The following ANO2 variants were observed in gnomAD, a reference collection of about 807,000 sequenced individuals.
The protein encoded by ANO2 is anoctamin 2.
ANO2 carries 101 observed loss-of-function variants against 124.2 expected under a neutral mutation model. The observed-to-expected ratio is 0.81, with a 90% CI of 0.69 to 0.96. ANO2 has a LOEUF of 0.96. Ranked by LOEUF, ANO2 falls within the 40% of genes least tolerant of loss-of-function variation. The pLI is 0.00. For synonymous variants in ANO2, 486 were observed against 482.5 expected (o/e 1.01, Z -0.09); for missense variants, 1,293 against 1,274.5 (o/e 1.01, Z -0.22).
intron 3 of ANO2, among the ~76,000 whole-genome samples, chr12:5,899,169 G>A (rs1940004757): frequency 6.6e-6 from 1 of 152,208 alleles, no homozygotes; most frequent in South Asian, 2.1e-4. Context: ...AGTCGCCTCT[G>A]GGTGATGCTT....
intron 7 of ANO2, among the ~76,000 whole-genome samples, chr12:5,810,061 T>C (rs1290254644): frequency 6.6e-6 from 1 of 152,090 alleles, no homozygotes; most frequent in South Asian, 2.1e-4. Flanking sequence ...AAAACCAGAG[T>C]TGTCCTGACT....
At chr12:5,721,130 A>G (rs1019653415) in intron 14 of ANO2, among the ~76,000 whole-genome samples, 3 of 152,198 alleles carry the variant, frequency 2.0e-5, no homozygotes, top group Admixed American at 2.0e-4. Flanking sequence ...TTATTTTTAA[A>G]TACCAAGGAT....
chr12:5,637,046 T>C (rs996180159), intron 15 of ANO2, among the ~76,000 whole-genome samples: 4 of 143,434 alleles, frequency 2.8e-5, no homozygotes, highest in African/African-American at 1.0e-4. Context: ...AAACACTCTG[T>C]GTGAGGCCCC....
intron 3 of ANO2, among the ~76,000 whole-genome samples, chr12:5,867,778 G>GAAAAAAAAAAAAAAAA (rs10622876): frequency 1.3e-5 from 1 of 78,544 alleles, no homozygotes; most frequent in Non-Finnish European, 2.3e-5. Flanking sequence ...GCACTATAAT[G>GAAAAAAAAAAAAAAAA]AAAAAAAAAA....
chr12:5,666,126 G>A (rs1347464891), intron 14 of ANO2, among the ~76,000 whole-genome samples: 1 of 152,176 alleles, frequency 6.6e-6, no homozygotes, highest in Non-Finnish European at 1.5e-5. Context: ...TGGATGATGT[G>A]TTAGGTTTTG....
chr12:5,875,829 C>T (rs748336291), intron 3 of ANO2, among the ~76,000 whole-genome samples: 38 of 151,538 alleles, frequency 2.5e-4, no homozygotes, highest in Non-Finnish European at 3.4e-4. Context: ...TCTAGAATGA[C>T]GGAGAGGAAC....
intron 1 of ANO2, among the ~76,000 whole-genome samples, chr12:5,924,776 C>T (rs995693363): frequency 6.6e-6 from 1 of 152,214 alleles, no homozygotes; most frequent in African/African-American, 2.4e-5. Context: ...CAGATTCCCA[C>T]AGCCTCCCTC....
At chr12:5,667,792 A>T (rs1294074621) in intron 14 of ANO2, among the ~76,000 whole-genome samples, 2 of 152,212 alleles carry the variant, frequency 1.3e-5, no homozygotes, top group Non-Finnish European at 2.9e-5. Context: ...TATAAGTGAG[A>T]ACATGCGGTG....
intron 3 of ANO2, among the ~76,000 whole-genome samples, chr12:5,866,348 G>A (rs1187016507): frequency 6.6e-6 from 1 of 152,200 alleles, no homozygotes; most frequent in Non-Finnish European, 1.5e-5. Flanking sequence ...GAAATTGGTT[G>A]TCTTTAGGGA....
In ANO2 at chr12:5,744,179, G is replaced by T. The variant is rs1951192553; in HGVS notation, c.1329C>A (p.Phe443Leu). The T allele has an allele frequency of 6.2e-7, 1 of 1,613,090 alleles. No homozygotes were observed. The highest frequency in any genetic ancestry group is 8.5e-7 in the Non-Finnish European group (1 of 1,179,882). The change falls in exon 12 of 25, where the codon TTC (phenylalanine) becomes TTA (leucine). Residue 443 changes from phenylalanine (F) to leucine (L), a missense_variant. By Grantham distance (22) the Phe-to-Leu change is conservative. Coordinates refer to ENST00000682330, the MANE Select transcript of ANO2 (RefSeq NM_001364791.2). ...TACCCCACAGAGCCATGAAGATAGA[G>T]AAGAAGACGGTGGCAGGGTTGTCAA... ...HLFDNPATVFFSIFMALWATM... is the reference protein window; with the variant it reads ...HLFDNPATVFLSIFMALWATM...
chr12:5,931,334 G>A (rs1480303143), intron 1 of ANO2, among the ~76,000 whole-genome samples: 9 of 151,990 alleles, frequency 5.9e-5, no homozygotes, highest in African/African-American at 1.9e-4. Flanking sequence ...GTTGGGGTGG[G>A]GATGATATAC....
At chr12:5,914,965 G>A (rs952184605) in intron 3 of ANO2, among the ~76,000 whole-genome samples, 3 of 152,134 alleles carry the variant, frequency 2.0e-5, no homozygotes, top group African/African-American at 7.2e-5. Context: ...GGAGGAGGTG[G>A]GCCGACCAGA....
intron 16 of ANO2, among the ~76,000 whole-genome samples, chr12:5,619,253 C>T (rs1240107558): frequency 2.6e-5 from 4 of 152,120 alleles, no homozygotes; most frequent in Non-Finnish European, 5.9e-5. Flanking sequence ...GATTACTTTG[C>T]CGAGCATCTT....
chr12:5,639,997 GCCTCCGACAATTC>G (rs1163117342), intron 15 of ANO2, among the ~76,000 whole-genome samples: 2 of 152,110 alleles, frequency 1.3e-5, no homozygotes, highest in African/African-American at 4.8e-5. Context: ...GAGGGACATC[GCCTCCGACAATTC>G]CCCCCTTACA....
intron 10 of ANO2, 86 bp downstream of exon 10, chr12:5,799,421 G>T: frequency 8.7e-7 from 1 of 1,145,078 alleles, no homozygotes; most frequent in Non-Finnish European, 1.3e-6. Flanking sequence ...CTTGAGCAAA[G>T]GACTGTCAGA....
intron 16 of ANO2, among the ~76,000 whole-genome samples, chr12:5,633,311 G>A (rs547774270): frequency 6.6e-6 from 1 of 152,258 alleles, no homozygotes; most frequent in Admixed American, 6.5e-5. Flanking sequence ...TGGCCCATCC[G>A]CCACTGCCTG....
intron 16 of ANO2, among the ~76,000 whole-genome samples, chr12:5,619,308 A>G (rs1003042850): frequency 2.0e-5 from 3 of 152,248 alleles, no homozygotes; most frequent in Non-Finnish European, 4.4e-5. Flanking sequence ...TTTGGTAAAA[A>G]TGTTGTAAAA....
chr12:5,913,565 T>C (rs888096283), intron 3 of ANO2, among the ~76,000 whole-genome samples: 1 of 152,194 alleles, frequency 6.6e-6, no homozygotes, highest in African/African-American at 2.4e-5. Flanking sequence ...AAGAGAAAAC[T>C]ACTATAAAGT....
chr12:5,762,744 A>T (rs1951775936), intron 10 of ANO2, among the ~76,000 whole-genome samples: 1 of 151,966 alleles, frequency 6.6e-6, no homozygotes, highest in Non-Finnish European at 1.5e-5. Context: ...AATGAGCCTT[A>T]ATATCAAAAG....
Sources: gnomAD v4.1 joint callset for allele counts (sites outside exome capture counted in the v4.1 genomes callset) on GRCh38, gnomAD v4.1.1 for gene constraint, MANE v1.5 for transcripts, NCBI Gene and HGNC (gene_info 2026-07-23, HGNC 2026-07-21) for gene names.